The following KLRF1 variants were observed in gnomAD, a reference collection of about 807,000 sequenced individuals.
KLRF1 encodes the protein killer cell lectin like receptor F1, also known as killer cell lectin-like receptor subfamily F member 1.
In KLRF1, 27 loss-of-function variants were observed where a neutral mutation model predicts 30.7. The ratio of observed to expected loss-of-function variants is 0.88; its 90% confidence interval spans 0.65 to 1.21. KLRF1 has a LOEUF of 1.21. Among genes scored for constraint, KLRF1 ranks in the 50% most tolerant of loss-of-function variants. The pLI is 0.00. For synonymous variants in KLRF1, 92 were observed against 89.3 expected (o/e 1.03, Z -0.17); for missense variants, 246 against 259.3 (o/e 0.95, Z 0.35).
chr12:9,837,060 G>A (rs1227086098), intron 3 of KLRF1, among the ~76,000 whole-genome samples: 5 of 151,944 alleles, frequency 3.3e-5, no homozygotes, highest in Non-Finnish European at 7.4e-5. Flanking sequence ...TGTTTATCTA[G>A]TTGAAAAACT....
At chr12:9,838,627 A>G (rs1377873372) in intron 3 of KLRF1, among the ~76,000 whole-genome samples, 1 of 152,098 alleles carries the variant, frequency 6.6e-6, no homozygotes, top group Non-Finnish European at 1.5e-5. Flanking sequence ...GAACTGCAGG[A>G]TTGTGGTCTG....
chr12:9,819,866 A>G, the KLRF1 span, among the ~76,000 whole-genome samples: 1 of 152,182 alleles, frequency 6.6e-6, no homozygotes, highest in African/African-American at 2.4e-5. Flanking sequence ...ACCAAGATTT[A>G]CAACCACCGG....
upstream of KLRF1, among the ~76,000 whole-genome samples, chr12:9,825,478 AC>A (rs1483992005): frequency 6.6e-6 from 1 of 152,174 alleles, no homozygotes; most frequent in African/African-American, 2.4e-5. Flanking sequence ...TTGAAAGTGG[AC>A]CCCTTCCTTA....
chr12:9,813,731 G>T, the KLRF1 span, among the ~76,000 whole-genome samples: 1 of 152,154 alleles, frequency 6.6e-6, no homozygotes, highest in East Asian at 1.9e-4. Flanking sequence ...AGAGACAGAG[G>T]GGAGGCAGGT....
intron 4 of KLRF1, 49 bp downstream of exon 4, chr12:9,842,000 C>A (rs774475621): frequency 6.5e-7 from 1 of 1,533,478 alleles, no homozygotes; most frequent in Non-Finnish European, 8.8e-7. Context: ...TAAAAAATGG[C>A]TTTCCTCAAA....
the KLRF1 span, among the ~76,000 whole-genome samples, chr12:9,806,770 C>T: frequency 6.6e-6 from 1 of 151,972 alleles, no homozygotes; most frequent in African/African-American, 2.4e-5. Flanking sequence ...CAACCTTAAC[C>T]TCTTGGGCTC....
At chr12:9,834,304 A>G (rs539550179) in intron 3 of KLRF1, among the ~76,000 whole-genome samples, 2 of 151,978 alleles carry the variant, frequency 1.3e-5, no homozygotes, top group Non-Finnish European at 2.9e-5. Flanking sequence ...GTCACAGGGG[A>G]TGCGATGGCT....
chr12:9,824,239 T>C (rs1272900370), upstream of KLRF1, among the ~76,000 whole-genome samples: 1 of 152,106 alleles, frequency 6.6e-6, no homozygotes, highest in Non-Finnish European at 1.5e-5. Context: ...ACTGACAAAC[T>C]GAATCCAGCA....
chr12:9,821,511 C>T, the KLRF1 span, among the ~76,000 whole-genome samples: 1 of 152,142 alleles, frequency 6.6e-6, no homozygotes, highest in African/African-American at 2.4e-5. Context: ...TGGTTTGGGC[C>T]CATAGCACAG....
intron 3 of KLRF1, among the ~76,000 whole-genome samples, chr12:9,835,934 G>C (rs1373609531): frequency 2.0e-5 from 3 of 152,082 alleles, no homozygotes; most frequent in Non-Finnish European, 4.4e-5. Context: ...TGTCTAGAAA[G>C]TAAATGAGTT....
intron 1 of KLRF1, among the ~76,000 whole-genome samples, chr12:9,830,585 T>C (rs184566930): frequency 4.6e-5 from 7 of 152,152 alleles, no homozygotes; most frequent in Admixed American, 4.6e-4. Context: ...ATTTCTGTTT[T>C]TTAACATAAA....
intron 5 of KLRF1, among the ~76,000 whole-genome samples, chr12:9,842,655 T>C (rs1460947631): frequency 1.3e-5 from 2 of 152,096 alleles, no homozygotes; most frequent in Admixed American, 6.6e-5. Flanking sequence ...TCTCACACTT[T>C]ATATAGAAAA....
At chr12:9,812,137 G>A in the KLRF1 span, among the ~76,000 whole-genome samples, 14 of 152,050 alleles carry the variant, frequency 9.2e-5, no homozygotes, top group Non-Finnish European at 1.9e-4. Context: ...AGGCCGAGGC[G>A]GGCGGATCAT....
At chr12:9,839,191 T>C (rs901044299) in intron 3 of KLRF1, among the ~76,000 whole-genome samples, 1 of 152,050 alleles carries the variant, frequency 6.6e-6, no homozygotes, top group African/African-American at 2.4e-5. Flanking sequence ...GTGAGGGCCC[T>C]CTTCTCTGTT....
chr12:9,827,581 C>T lies in KLRF1; in HGVS notation c.37C>T (p.Gln13Ter), dbSNP rs542766998. The T allele has an allele frequency of 1.2e-6, 2 of 1,608,112 alleles. No homozygotes were observed. Among genetic ancestry groups the T allele is most frequent in the South Asian group, 1.1e-5 (1 of 90,662 alleles). The change falls in exon 1 of 6, where the codon CAG becomes TAG. Residue 13 changes from glutamine to a stop codon, truncating the protein, a stop_gained. Coordinates refer to ENST00000617889, the MANE Select transcript of KLRF1 (RefSeq NM_016523.3). LOFTEE classifies it high-confidence loss of function. ...DEERYMTLNV[Q>*]SKKRSSAQTS... ...AGAAAGATACATGACATTGAATGTA[C>T]AGTCAAAGAAAAGGAGTTCTGCCCA... is the stretch of plus-strand genomic sequence containing the variant.
the KLRF1 span, among the ~76,000 whole-genome samples, chr12:9,808,751 G>A: frequency 6.6e-6 from 1 of 152,136 alleles, no homozygotes; most frequent in African/African-American, 2.4e-5. Context: ...TGTGTAATAT[G>A]AGTAAGCAGG....
intron 3 of KLRF1, among the ~76,000 whole-genome samples, chr12:9,837,723 G>T (rs1867610306): frequency 6.6e-6 from 1 of 152,160 alleles, no homozygotes; most frequent in East Asian, 1.9e-4. Context: ...TCGTTTGGTA[G>T]CCTCAAGGCA....
chr12:9,841,811 G>C lies in KLRF1; in HGVS notation c.335-1G>C. On this transcript the variant is annotated splice_acceptor_variant, in intron 3 of 5. Coordinates refer to ENST00000617889, the MANE Select transcript of KLRF1 (RefSeq NM_016523.3). LOFTEE classifies it high-confidence loss of function. Reference sequence around the variant, plus strand: ...ATTTTGTTTTCTACATTTCTCTGTAGTACTATGCCAATCAGAATGGCTCAA... The same window carrying C: ...ATTTTGTTTTCTACATTTCTCTGTACTACTATGCCAATCAGAATGGCTCAA... 7 of 1,603,780 alleles carry C rather than the reference G, an allele frequency of 4.4e-6. No individual in the cohort carries two copies. The highest frequency in any genetic ancestry group is 1.7e-5 in the Admixed American group (1 of 59,118).
intron 3 of KLRF1, among the ~76,000 whole-genome samples, chr12:9,834,831 A>G (rs1346840617): frequency 6.6e-6 from 1 of 152,038 alleles, no homozygotes; most frequent in Non-Finnish European, 1.5e-5. Context: ...GGTAAAAACA[A>G]CACTCTTCAT....
Sources: allele counts gnomAD v4.1 joint callset (sites outside exome capture counted in the v4.1 genomes callset), GRCh38; gene constraint gnomAD v4.1.1; transcripts MANE v1.5; gene names NCBI Gene and HGNC (gene_info 2026-07-23, HGNC 2026-07-21).